HMGCLL1: variants seen among roughly 807,000 people sequenced by gnomAD.
HMGCLL1 encodes the protein 3-hydroxymethyl-3-methylglutaryl-CoA lyase, cytoplasmic.
HMGCLL1 carries 36 observed loss-of-function variants against 39.1 expected under a neutral mutation model. The ratio of observed to expected loss-of-function variants is 0.92; its 90% CI spans 0.71 to 1.22. The LOEUF is 1.22. Among genes scored for constraint, HMGCLL1 ranks in the 50% most tolerant of loss-of-function variants. The pLI is 0.00. For missense variants in HMGCLL1, 451 were observed against 416.5 expected (o/e 1.08, Z -0.72); for synonymous variants, 149 against 144.0 (o/e 1.03, Z -0.25).
At chr6:55,608,763 G>GA in the HMGCLL1 span, among the ~76,000 whole-genome samples, 2 of 152,222 alleles carry the variant, frequency 1.3e-5, no homozygotes, top group African/African-American at 4.8e-5. Context: ...TAAGCACATT[G>GA]AAAAGCACGA....
chr6:55,643,400 G>A, the HMGCLL1 span, among the ~76,000 whole-genome samples: 1 of 151,952 alleles, frequency 6.6e-6, no homozygotes, highest in African/African-American at 2.4e-5. Flanking sequence ...TTCTAGTTCT[G>A]TGAGTAATGT....
intron 1 of HMGCLL1, among the ~76,000 whole-genome samples, chr6:55,566,172 ACAGATGTATGAAAGTGGTGG>A (rs1771201183): frequency 6.6e-6 from 1 of 152,132 alleles, no homozygotes; most frequent in African/African-American, 2.4e-5. Context: ...CCAGTGGGTT[ACAGATGTATGAAAGTGGTGG>A]CAGAGAGCCA....
intron 3 of HMGCLL1, among the ~76,000 whole-genome samples, chr6:55,532,975 C>CAATTA (rs1269578854): frequency 9.3e-5 from 14 of 151,264 alleles, no homozygotes; most frequent in African/African-American, 2.4e-5. Context: ...TATGTGGTAA[C>CAATTA]AGTAGCAATG....
In HMGCLL1 at chr6:55,543,547, CATATATATTTATATATTTTT is replaced by C. The variant is rs1769765778; in HGVS notation, c.109-1427_109-1408del. 8.8e-5 allele frequency among the ~76,000 whole-genome samples: 10 copies of C among 113,602 alleles called. No homozygotes were observed. The East Asian group carries it at 9.1e-4, about 10-fold the overall frequency. The allele number at this position is 113,602 out of a possible 152,430, so 74.5% of individuals were successfully genotyped here. On this transcript the variant is annotated intron_variant, in intron 1 of 8. Coordinates refer to ENST00000274901, the MANE Select transcript of HMGCLL1 (RefSeq NM_001042406.2). ...ATTTTTATGTGTATATATATATTTA[CATATATATTTATATATTTTT>C]ATATATATTTATATATTTATATATA...
rs576361625 is a variant in HMGCLL1 at position 55,543,436 on chromosome 6, C to G, written c.109-1296G>C. ...ATCATATATGATATATATCATATAT[C>G]ATATATGATATATATGATATATATC... is the stretch of plus-strand genomic sequence containing the variant. On this transcript the variant is annotated intron_variant, in intron 1 of 8. Transcript: ENST00000274901. Among the ~76,000 whole-genome samples, 86 of 39,590 alleles carry G rather than the reference C, an allele frequency of 2.2e-3. 1 individual carries two copies. Among genetic ancestry groups the G allele is most frequent in the Non-Finnish European group, 2.8e-3 (63 of 22,744 alleles). The allele number at this position is 39,590 out of a possible 152,430, so 26.0% of individuals were successfully genotyped here.
chr6:55,623,733 G>T, the HMGCLL1 span, among the ~76,000 whole-genome samples: 50,442 of 149,594 alleles, frequency 0.34, 8,756 homozygotes, highest in African/African-American at 0.42. Flanking sequence ...ATATGCATAT[G>T]ATATATATGT....
intron 8 of HMGCLL1, among the ~76,000 whole-genome samples, chr6:55,436,190 T>C (rs1763366509): frequency 6.6e-6 from 1 of 151,844 alleles, no homozygotes. Flanking sequence ...GAAACAAACT[T>C]GAAAAAGCCA....
intron 7 of HMGCLL1, among the ~76,000 whole-genome samples, chr6:55,460,588 C>T (rs1764516144): frequency 1.3e-5 from 2 of 151,820 alleles, no homozygotes; most frequent in South Asian, 4.1e-4. Context: ...TTTTGTAAGT[C>T]ATAGATTCCT....
At chr6:55,628,425 C>T in the HMGCLL1 span, among the ~76,000 whole-genome samples, 2 of 150,992 alleles carry the variant, frequency 1.3e-5, no homozygotes, top group East Asian at 3.9e-4. Context: ...GCCTCAGCCT[C>T]CTGAGTAGCT....
At chr6:55,593,112 C>A in the HMGCLL1 span, among the ~76,000 whole-genome samples, 1 of 152,242 alleles carries the variant, frequency 6.6e-6, no homozygotes, top group African/African-American at 2.4e-5. Context: ...ATCCTGTTCA[C>A]TGAGCTGTTG....
chr6:55,672,715 T>C, the HMGCLL1 span, among the ~76,000 whole-genome samples: 1 of 151,924 alleles, frequency 6.6e-6, no homozygotes, highest in Non-Finnish European at 1.5e-5. Flanking sequence ...ACTACTATTA[T>C]ATGTAATTGC....
chr6:55,516,687 A>G, intron 3 of HMGCLL1, 84 bp from the exon 4 acceptor site: 1 of 826,458 alleles, frequency 1.2e-6, no homozygotes, highest in Admixed American at 1.9e-5. Flanking sequence ...GGTTATAGTT[A>G]CATGGACAGT....
intron 5 of HMGCLL1, among the ~76,000 whole-genome samples, chr6:55,511,596 T>C (rs528169522): frequency 2.0e-5 from 3 of 152,186 alleles, no homozygotes; most frequent in African/African-American, 7.2e-5. Context: ...GATTATCAAG[T>C]ATATGTTGAT....
At chr6:55,532,803 ACAT>A (rs869061395) in intron 3 of HMGCLL1, among the ~76,000 whole-genome samples, 2,942 of 138,426 alleles carry the variant, frequency 0.021, 113 homozygotes, top group African/African-American at 0.073. Context: ...TCTGTCTCAA[ACAT>A]AATAATAATA....
chr6:55,617,159 T>G, the HMGCLL1 span, among the ~76,000 whole-genome samples: 4 of 152,086 alleles, frequency 2.6e-5, no homozygotes, highest in Non-Finnish European at 5.9e-5. Flanking sequence ...ACCCTAAAGT[T>G]TCTTAATAGT....
At chr6:55,521,200 TAA>T (rs765640260) in intron 3 of HMGCLL1, among the ~76,000 whole-genome samples, 8 of 152,124 alleles carry the variant, frequency 5.3e-5, no homozygotes, top group Non-Finnish European at 1.2e-4. Flanking sequence ...AAATACAGTT[TAA>T]GTGTTGTTAG....
At chr6:55,651,168 T>C in the HMGCLL1 span, among the ~76,000 whole-genome samples, 83 of 152,228 alleles carry the variant, frequency 5.5e-4, 1 homozygote, top group East Asian at 0.015. Flanking sequence ...AAAGCCAGCA[T>C]GTGTAAGAGC....
the HMGCLL1 span, among the ~76,000 whole-genome samples, chr6:55,601,530 G>A: frequency 6.6e-6 from 1 of 152,070 alleles, no homozygotes; most frequent in African/African-American, 2.4e-5. Flanking sequence ...CTAAACTCAA[G>A]AAATAAGGAT....
intron 7 of HMGCLL1, among the ~76,000 whole-genome samples, chr6:55,477,328 T>TTATATAATATATAATATATTA (rs1554143270): frequency 5.5e-5 from 1 of 18,060 alleles, no homozygotes; most frequent in Non-Finnish European, 8.0e-5. Flanking sequence ...TATATTATAT[T>TTATATAATATATAATATATTA]ATATAATATA....
Sources: allele counts gnomAD v4.1 joint callset (sites outside exome capture counted in the v4.1 genomes callset), GRCh38; gene constraint gnomAD v4.1.1; transcripts MANE v1.5; gene names NCBI Gene and HGNC (gene_info 2026-07-23, HGNC 2026-07-21).